The following GRM1 variants were observed in gnomAD, a reference collection of about 807,000 sequenced individuals.
The protein encoded by GRM1 is metabotropic glutamate receptor 1.
GRM1 carries 33 observed loss-of-function variants against 90.9 expected under a neutral mutation model. The ratio of observed to expected loss-of-function variants is 0.36; its 90% CI spans 0.28 to 0.49. The LOEUF is 0.49. GRM1 is among the 20% of genes least tolerant of loss of function. The probability of loss-of-function intolerance (pLI) is 0.99; values close to 1 mark genes in which losing one functional copy is unlikely to be tolerated. For synonymous variants in GRM1, 700 were observed against 613.2 expected, an observed-to-expected ratio of 1.14 and a Z score of -2.09; for missense variants, 1,190 against 1,534.3, an observed-to-expected ratio of 0.78 and a Z score of 3.75.
chr6:146,349,168 G>A (rs1188257584), intron 3 of GRM1, among the ~76,000 whole-genome samples: 5 of 150,428 alleles, frequency 3.3e-5, no homozygotes, highest in African/African-American at 7.3e-5. Context: ...CCGGGTTCAC[G>A]CCATTCTCCT....
intron 3 of GRM1, among the ~76,000 whole-genome samples, chr6:146,344,462 TAA>T (rs1258743017): frequency 1.3e-5 from 2 of 152,204 alleles, no homozygotes; most frequent in African/African-American, 2.4e-5. Flanking sequence ...AGATTTGCAT[TAA>T]GTCTGGACCC....
At chr6:146,305,252 G>A (rs1783532584) in intron 3 of GRM1, among the ~76,000 whole-genome samples, 1 of 152,028 alleles carries the variant, frequency 6.6e-6, no homozygotes. Flanking sequence ...AGAAGATGAG[G>A]TAATGTGACC....
At chr6:146,196,317 G>T in intron 2 of GRM1, among the ~76,000 whole-genome samples, 1 of 142,708 alleles carries the variant, frequency 7.0e-6, no homozygotes, top group South Asian at 2.2e-4. Flanking sequence ...TGACGGAGTC[G>T]CTCTCTGTCG....
At chr6:146,187,791 A>C (rs1041943263) in intron 2 of GRM1, among the ~76,000 whole-genome samples, 1 of 151,864 alleles carries the variant, frequency 6.6e-6, no homozygotes, top group African/African-American at 2.4e-5. Flanking sequence ...AAACAACACA[A>C]AAAACAAAAG....
chr6:146,240,927 G>A lies in GRM1; in HGVS notation c.951-63684G>A, dbSNP rs183325718. Among the ~76,000 whole-genome samples the A allele has an allele frequency of 2.7e-3, 415 of 152,180 alleles. 4 individuals carry two copies. The highest frequency in any genetic ancestry group is 9.1e-3 in the African/African-American group (379 of 41,550). On this transcript the variant is annotated intron_variant, in intron 2 of 7. Transcript: ENST00000282753. ...TGAAACCAAAACTTGACTACTGAAT[G>A]TGGGTCCCCTGGAGAAGAGACACAG...
intron 2 of GRM1, among the ~76,000 whole-genome samples, chr6:146,255,120 T>C (rs562309631): frequency 6.6e-6 from 1 of 152,346 alleles, no homozygotes; most frequent in East Asian, 1.9e-4. Flanking sequence ...CACAAACATC[T>C]GCTGTTGCTC....
intron 2 of GRM1, among the ~76,000 whole-genome samples, chr6:146,262,621 T>A (rs570394101): frequency 1.3e-5 from 2 of 152,090 alleles, no homozygotes; most frequent in African/African-American, 4.8e-5. Context: ...GTATATATTA[T>A]ATTTTCTCTG....
chr6:146,034,690 C>G (rs1026774156), intron 1 of GRM1, among the ~76,000 whole-genome samples: 1 of 151,922 alleles, frequency 6.6e-6, no homozygotes, highest in Admixed American at 6.6e-5. Context: ...AGTAAAGTCT[C>G]AAACCCTTTC....
intron 2 of GRM1, among the ~76,000 whole-genome samples, chr6:146,257,205 T>C (rs1781513336): frequency 6.6e-6 from 1 of 152,178 alleles, no homozygotes; most frequent in South Asian, 2.1e-4. Flanking sequence ...TATAAGTGTA[T>C]ATATAGGCAT....
chr6:146,095,110 A>G (rs78367469), intron 1 of GRM1, among the ~76,000 whole-genome samples: 4,392 of 152,216 alleles, frequency 0.029, 92 homozygotes, highest in Non-Finnish European at 0.045. Flanking sequence ...AGATAACCCT[A>G]TAATGTCTTT....
chr6:146,169,084 C>A (rs866706531), intron 2 of GRM1, among the ~76,000 whole-genome samples: 1 of 152,176 alleles, frequency 6.6e-6, no homozygotes, highest in South Asian at 2.1e-4. Flanking sequence ...GACTTCTTGA[C>A]ATTTTTACAT....
chr6:146,239,468 G>A (rs570854365), intron 2 of GRM1, among the ~76,000 whole-genome samples: 7 of 152,142 alleles, frequency 4.6e-5, no homozygotes, highest in African/African-American at 1.4e-4. Flanking sequence ...TTCCTTGCGG[G>A]CAAGTATTGT....
chr6:146,298,931 G>A (rs1783278028), intron 2 of GRM1, among the ~76,000 whole-genome samples: 1 of 152,280 alleles, frequency 6.6e-6, no homozygotes, highest in East Asian at 1.9e-4. Context: ...AAAAACAAAA[G>A]TGTCTACTCA....
intron 7 of GRM1, among the ~76,000 whole-genome samples, chr6:146,400,060 T>G (rs1416155863): frequency 1.3e-5 from 2 of 152,222 alleles, no homozygotes; most frequent in Non-Finnish European, 2.9e-5. Flanking sequence ...GGGGGCTGGG[T>G]CAGAGAGGCA....
chr6:146,151,597 A>G (rs117154598), intron 1 of GRM1, among the ~76,000 whole-genome samples: 1,722 of 152,286 alleles, frequency 0.011, 20 homozygotes, highest in South Asian at 0.016. Flanking sequence ...TCATGGGTCA[A>G]TGAAACTTAG....
At chr6:146,268,380 T>C (rs1308033916) in intron 2 of GRM1, among the ~76,000 whole-genome samples, 1 of 152,226 alleles carries the variant, frequency 6.6e-6, no homozygotes, top group Admixed American at 6.5e-5. Context: ...CTTTCTTAAT[T>C]CCTGGTGCTG....
intron 1 of GRM1, among the ~76,000 whole-genome samples, chr6:146,130,208 T>C (rs1038395399): frequency 1.3e-5 from 2 of 152,142 alleles, no homozygotes; most frequent in Non-Finnish European, 2.9e-5. Flanking sequence ...TCTGAGACTC[T>C]AGATTTAGTT....
chr6:146,226,539 T>A (rs1339330825), intron 2 of GRM1, among the ~76,000 whole-genome samples: 1 of 152,140 alleles, frequency 6.6e-6, no homozygotes, highest in Non-Finnish European at 1.5e-5. Flanking sequence ...AGTAACACAA[T>A]GCCTGCTCAG....
intron 2 of GRM1, among the ~76,000 whole-genome samples, chr6:146,177,323 T>TA (rs1218186404): frequency 6.6e-6 from 1 of 152,106 alleles, no homozygotes; most frequent in Non-Finnish European, 1.5e-5. Context: ...TAGGCTGAGT[T>TA]AAAAATTTTA....
Sources: allele counts gnomAD v4.1 joint callset (sites outside exome capture counted in the v4.1 genomes callset), GRCh38; gene constraint gnomAD v4.1.1; transcripts MANE v1.5; gene names NCBI Gene and HGNC (gene_info 2026-07-23, HGNC 2026-07-21).